MASTL: variants seen among roughly 807,000 people sequenced by gnomAD.
MASTL encodes serine/threonine-protein kinase greatwall.
MASTL carries 54 observed loss-of-function variants against 82.5 expected under a neutral mutation model. That is an observed-to-expected ratio of 0.65 (90% CI 0.53 to 0.82). The LOEUF is 0.82. Ranked by LOEUF, MASTL falls within the 40% of genes least tolerant of loss-of-function variation. MASTL has a pLI of 0.00. For missense variants in MASTL, 950 were observed against 1,047.8 expected, an observed-to-expected ratio of 0.91 and a Z score of 1.29; for synonymous variants, 323 against 368.9, an observed-to-expected ratio of 0.88 and a Z score of 1.43.
intron 8 of MASTL, among the ~76,000 whole-genome samples, chr10:27,172,585 C>G (rs1010560836): frequency 4.0e-5 from 6 of 151,774 alleles, no homozygotes; most frequent in Non-Finnish European, 8.8e-5. Context: ...ACCTGGGAGG[C>G]GGAGGTTGTG....
intron 8 of MASTL, 69 bp downstream of exon 8, chr10:27,171,152 T>G: frequency 3.9e-6 from 5 of 1,288,252 alleles, no homozygotes; most frequent in Non-Finnish European, 4.5e-6. Context: ...CATTTGCCTC[T>G]AAGCTAGACT....
At chr10:27,155,804 G>C (rs1465829899) in intron 1 of MASTL, among the ~76,000 whole-genome samples, 192 bp downstream of exon 1, 1 of 152,122 alleles carries the variant, frequency 6.6e-6, no homozygotes, top group Non-Finnish European at 1.5e-5. Context: ...TCTCGCCTCT[G>C]TTCCGCCCTT....
At chr10:27,185,110 C>T (rs1285181764) in intron 11 of MASTL, among the ~76,000 whole-genome samples, 1 of 152,054 alleles carries the variant, frequency 6.6e-6, no homozygotes, top group Non-Finnish European at 1.5e-5. Flanking sequence ...TTGAAGTCAC[C>T]ATGAAGGATA....
intron 7 of MASTL, among the ~76,000 whole-genome samples, chr10:27,169,720 T>TAAA (rs1231047769): frequency 2.0e-5 from 3 of 152,222 alleles, no homozygotes; most frequent in Non-Finnish European, 4.4e-5. Flanking sequence ...TATTATAGAA[T>TAAA]AATTTATTTA....
At chr10:27,166,388 A>G (rs2136029855) in intron 6 of MASTL, among the ~76,000 whole-genome samples, 1 of 152,350 alleles carries the variant, frequency 6.6e-6, no homozygotes, top group East Asian at 1.9e-4. Context: ...GTCATATTCT[A>G]ACCTTATAGC....
chr10:27,158,072 TA>T (rs1181777803), intron 1 of MASTL, among the ~76,000 whole-genome samples: 3 of 152,368 alleles, frequency 2.0e-5, no homozygotes, highest in African/African-American at 7.2e-5. Flanking sequence ...AATACCAAGA[TA>T]AGCAATTCTA....
At chr10:27,162,398 C>T (rs1430373250) in intron 4 of MASTL, among the ~76,000 whole-genome samples, 1 of 152,222 alleles carries the variant, frequency 6.6e-6, no homozygotes, top group Non-Finnish European at 1.5e-5. Context: ...TGCCGTGGCT[C>T]ATGCCTGTAA....
intron 4 of MASTL, among the ~76,000 whole-genome samples, chr10:27,164,066 G>T (rs532731530): frequency 6.6e-6 from 1 of 152,052 alleles, no homozygotes; most frequent in Non-Finnish European, 1.5e-5. Context: ...TCAGCCTTCC[G>T]AGTAGCTGGG....
At position 27,167,241 on chromosome 10, in the gene MASTL, C is replaced by T; in HGVS notation, c.951C>T (p.Cys317=). ...TCATATCCAGTGTGGAATCAGAATG[C>T]CACAGCAGTCCCAAATGGGAAAAAG... ...HTFISSVESE[C]HSSPKWEKDC... is the part of the protein sequence containing the mutation. The change falls in exon 7 of 12, where the codon TGC becomes TGT. Residue 317 remains cysteine (C), a synonymous_variant. Coordinates refer to ENST00000375940, the MANE Select transcript of MASTL (RefSeq NM_001172303.3). 2 of 1,614,082 alleles carry T rather than the reference C, an allele frequency of 1.2e-6. No individual in the cohort carries two copies. The highest frequency in any genetic ancestry group is 1.7e-6 in the Non-Finnish European group (2 of 1,179,968).
intron 1 of MASTL, among the ~76,000 whole-genome samples, chr10:27,155,943 G>T (rs1045591941): frequency 6.6e-6 from 1 of 152,210 alleles, no homozygotes; most frequent in Admixed American, 6.5e-5. Flanking sequence ...ATCGGTCTTA[G>T]TACAACAGGC....
At chr10:27,157,501 T>A (rs2057430522) in intron 1 of MASTL, among the ~76,000 whole-genome samples, 1 of 152,244 alleles carries the variant, frequency 6.6e-6, no homozygotes, top group Non-Finnish European at 1.5e-5. Context: ...AGGCAGGAAT[T>A]TATCATGTAC....
In MASTL at chr10:27,159,874, A is replaced by G; in HGVS notation, c.464+116A>G. On this transcript the variant is annotated intron_variant, in intron 3 of 11. Transcript: ENST00000375940. The surrounding 1 kb of genome is among the most constrained non-coding windows in gnomAD (Gnocchi z 4.0). Reference sequence around the variant, plus strand: ...CTTATTTCCAGGTTATCTAAAGTTTACTAGTAACTTGTATTCATTTAGAAA... The same window carrying G: ...CTTATTTCCAGGTTATCTAAAGTTTGCTAGTAACTTGTATTCATTTAGAAA... The G allele has an allele frequency of 1.2e-6, 1 of 861,566 alleles. No individual in the cohort carries two copies. The highest frequency in any genetic ancestry group is 1.9e-6 in the Non-Finnish European group (1 of 518,888). The allele number at this position is 861,566 out of a possible 1,614,324, so 53.4% of individuals were successfully genotyped here. A position where few individuals can be genotyped will look rare whatever the true frequency, so the allele number is the denominator to read the frequency against.
chr10:27,179,038 G>A (rs4749233), intron 9 of MASTL, among the ~76,000 whole-genome samples: 128,440 of 152,138 alleles, frequency 0.84, 54,498 homozygotes, highest in East Asian at 0.99. Context: ...TTAAAATGCA[G>A]TGGTGGCAGT....
At chr10:27,155,650 C>T in intron 1 of MASTL, 38 bp downstream of exon 1, 2 of 1,609,838 alleles carry the variant, frequency 1.2e-6, no homozygotes, top group South Asian at 2.2e-5. Flanking sequence ...GGGTTAGGCC[C>T]TTCGGCCCTC....
In MASTL at chr10:27,155,756, A is replaced by G. The variant is rs576534913; in HGVS notation, c.186+144A>G. On this transcript the variant is annotated intron_variant, in intron 1 of 11. Coordinates refer to ENST00000375940, the MANE Select transcript of MASTL (RefSeq NM_001172303.3). ...GAAGCCTCCAGAGCCCTGCGAGCTG[A>G]CTTCTTTTTGGGGCGACATCAGCGG... is the stretch of plus-strand genomic sequence containing the variant. The G allele has an allele frequency of 5.7e-5, 52 of 908,608 alleles. No individual in the cohort carries two copies. In the African/African-American group the frequency reaches 8.3e-4, roughly 14 times the overall value. 56.3% of individuals were successfully genotyped at this position (908,608 alleles called of 1,614,324 possible). A position where few individuals can be genotyped will look rare whatever the true frequency, so the allele number is the denominator to read the frequency against.
At chr10:27,183,458 A>G (rs747274582) in intron 11 of MASTL, among the ~76,000 whole-genome samples, 12 of 151,598 alleles carry the variant, frequency 7.9e-5, no homozygotes, top group Non-Finnish European at 1.6e-4. Flanking sequence ...TAATTTTTGT[A>G]TTTTTTAGTA....
At chr10:27,185,395 G>C (rs2058635863) in intron 11 of MASTL, among the ~76,000 whole-genome samples, 1 of 152,124 alleles carries the variant, frequency 6.6e-6, no homozygotes, top group African/African-American at 2.4e-5. Flanking sequence ...CACTTTGGGA[G>C]GCTGAGGCGG....
chr10:27,180,400 CT>C (rs869233926), intron 9 of MASTL, among the ~76,000 whole-genome samples: 1 of 55,170 alleles, frequency 1.8e-5, no homozygotes, highest in Non-Finnish European at 4.0e-5. Context: ...CTTTTCTTTT[CT>C]TTTTTTTTGA....
At chr10:27,155,722 T>C in intron 1 of MASTL, 110 bp downstream of exon 1, 1 of 1,282,208 alleles carries the variant, frequency 7.8e-7, no homozygotes, top group Non-Finnish European at 1.1e-6. Context: ...CTGGGTGGCC[T>C]GGCTTGCTGA....
Sources: allele counts gnomAD v4.1 joint callset (sites outside exome capture counted in the v4.1 genomes callset), GRCh38; gene constraint gnomAD v4.1.1; non-coding constraint Gnocchi (gnomAD v3.1); transcripts MANE v1.5; gene names NCBI Gene and HGNC (gene_info 2026-07-23, HGNC 2026-07-21).